ABHD12: variants seen among roughly 807,000 people sequenced by gnomAD.
The protein encoded by ABHD12 is lysophosphatidylserine lipase ABHD12.
In ABHD12, 43 loss-of-function variants were observed where a neutral mutation model predicts 58.3. The ratio of observed to expected loss-of-function variants is 0.74; its 90% CI spans 0.58 to 0.95. The LOEUF is 0.95. ABHD12 is among the 40% of genes least tolerant of loss of function. The pLI is 0.00. For synonymous variants in ABHD12, 219 were observed against 211.2 expected, an observed-to-expected ratio of 1.04 and a Z score of -0.32; for missense variants, 539 against 537.2, an observed-to-expected ratio of 1.00 and a Z score of -0.03.
chr20:25,376,525 A>C (rs1175564174), intron 1 of ABHD12, among the ~76,000 whole-genome samples: 3 of 152,160 alleles, frequency 2.0e-5, no homozygotes, highest in African/African-American at 7.2e-5. Flanking sequence ...AGAAGGCCTT[A>C]TTTTCCTGGC....
At position 25,368,012 on chromosome 20, in the gene ABHD12, C is replaced by A. The variant is rs1280624268; in HGVS notation, c.191+22501G>T. On this transcript the variant is annotated intron_variant, in intron 1 of 12. Coordinates refer to ENST00000339157, the MANE Select transcript of ABHD12 (RefSeq NM_001042472.3). The stretch of plus-strand genomic sequence containing the variant: ...AGTTTCTGTACCATTTTTATTCCCA[C>A]TAACAGTGTGCAAGGGTTCCAATTT... 3.9e-5 allele frequency among the ~76,000 whole-genome samples: 6 copies of A among 152,226 alleles called. No individual in the cohort carries two copies. The South Asian group carries it at 6.2e-4, about 16-fold the overall frequency.
chr20:25,300,996 C>T, intron 12 of ABHD12, 112 bp from the exon 13 acceptor site: 1 of 1,121,604 alleles, frequency 8.9e-7, no homozygotes, highest in South Asian at 1.3e-5. Context: ...GAGGAGGCAG[C>T]CAAGAGCCCC....
chr20:25,368,588 T>C (rs1320824422), intron 1 of ABHD12: 1 of 1,400,122 alleles, frequency 7.1e-7, no homozygotes, highest in Non-Finnish European at 1.0e-6. Flanking sequence ...CCCTGATACA[T>C]AAACCCTGGA....
chr20:25,366,450 G>T (rs900363138), intron 1 of ABHD12, among the ~76,000 whole-genome samples: 6 of 152,148 alleles, frequency 3.9e-5, no homozygotes, highest in Middle Eastern at 3.4e-3. Flanking sequence ...ATTTTTAGTA[G>T]AGATGGGGTT....
chr20:25,296,616 T>A (rs2145907213), downstream of ABHD12: 2 of 1,454,712 alleles, frequency 1.4e-6, no homozygotes, highest in East Asian at 4.7e-5. Flanking sequence ...CCACTGGTGG[T>A]CCCTGCTTTT....
rs1014710692 is a variant in ABHD12 at position 25,309,651 on chromosome 20, G to A, written c.620-76C>T. On this transcript the variant is annotated intron_variant, in intron 6 of 12. Coordinates refer to ENST00000339157, the MANE Select transcript of ABHD12 (RefSeq NM_001042472.3). ...CTGGACAAACACACCTCCCCAAGGG[G>A]GCCCAGGGCCAGGAGGAGACAGGGA... The A allele has an allele frequency of 4.4e-6, 7 of 1,598,346 alleles. No homozygotes were observed. The African/African-American group carries it at 5.4e-5, about 12-fold the overall frequency.
intron 1 of ABHD12, among the ~76,000 whole-genome samples, chr20:25,346,908 T>C (rs2089526906): frequency 6.6e-6 from 1 of 152,162 alleles, no homozygotes; most frequent in Admixed American, 6.5e-5. Context: ...CCTCCCAAAG[T>C]GCTGGGATTA....
intron 1 of ABHD12, among the ~76,000 whole-genome samples, chr20:25,373,727 G>A (rs1468764819): frequency 6.6e-6 from 1 of 151,644 alleles, no homozygotes; most frequent in African/African-American, 2.4e-5. Context: ...ATTACGAAGT[G>A]CCTTGGTATA....
chr20:25,336,393 C>T (rs968910839), intron 2 of ABHD12, among the ~76,000 whole-genome samples: 1 of 151,994 alleles, frequency 6.6e-6, no homozygotes, highest in African/African-American at 2.4e-5. Flanking sequence ...TAATGCCTTA[C>T]ATTGTAGGTG....
intron 1 of ABHD12, chr20:25,368,481 T>G: frequency 6.4e-7 from 1 of 1,567,604 alleles, no homozygotes; most frequent in Non-Finnish European, 8.8e-7. Flanking sequence ...ATGGACAAGA[T>G]GCTAGGACCT....
chr20:25,351,620 T>A (rs887305893), intron 1 of ABHD12, among the ~76,000 whole-genome samples: 2 of 152,224 alleles, frequency 1.3e-5, no homozygotes, highest in African/African-American at 4.8e-5. Context: ...ACTTTTATTA[T>A]CATTTAAAAT....
intron 1 of ABHD12, among the ~76,000 whole-genome samples, chr20:25,357,848 A>T (rs1407543718): frequency 6.6e-6 from 1 of 152,136 alleles, no homozygotes; most frequent in East Asian, 1.9e-4. Flanking sequence ...CTGCCTCTAC[A>T]AACAACACAA....
intron 1 of ABHD12, among the ~76,000 whole-genome samples, chr20:25,361,996 C>A (rs539577850): frequency 6.6e-6 from 1 of 151,998 alleles, no homozygotes; most frequent in Non-Finnish European, 1.5e-5. Context: ...ATCTTACACC[C>A]GGGCACGGTG....
intron 12 of ABHD12, 147 bp from the exon 13 acceptor site, chr20:25,301,031 C>A: frequency 1.2e-6 from 1 of 834,166 alleles, no homozygotes; most frequent in Non-Finnish European, 2.0e-6. Context: ...TAGCCCAGAG[C>A]AGCACTCAGT....
At chr20:25,364,553 C>A (rs928566381) in intron 1 of ABHD12, among the ~76,000 whole-genome samples, 6 of 152,186 alleles carry the variant, frequency 3.9e-5, no homozygotes, top group African/African-American at 1.4e-4. Flanking sequence ...GGAATCTTCC[C>A]CCTGGGTGAC....
At chr20:25,295,724 C>T (rs373261552), downstream of ABHD12, 74 of 1,517,512 alleles carry the variant, frequency 4.9e-5, no homozygotes, top group Admixed American at 3.0e-4. Context: ...TCCATGTAGA[C>T]GTGTTGGGTC....
intron 2 of ABHD12, among the ~76,000 whole-genome samples, chr20:25,336,187 C>T (rs1416914836): frequency 6.6e-6 from 1 of 151,954 alleles, no homozygotes; most frequent in Non-Finnish European, 1.5e-5. Context: ...TTGAAAAGCA[C>T]ATATATTTAT....
intron 6 of ABHD12, 64 bp downstream of exon 6, chr20:25,314,861 C>T (rs1432640664): frequency 1.3e-6 from 2 of 1,575,698 alleles, no homozygotes; most frequent in African/African-American, 1.4e-5. Flanking sequence ...GTGAGGCCTG[C>T]CCATGGGATA....
intron 1 of ABHD12, among the ~76,000 whole-genome samples, chr20:25,374,224 T>C (rs1369857743): frequency 1.3e-5 from 2 of 152,076 alleles, no homozygotes; most frequent in Non-Finnish European, 2.9e-5. Context: ...ATTACACACA[T>C]GGTCGGAGTA....
Sources: gnomAD v4.1 joint callset for allele counts (sites outside exome capture counted in the v4.1 genomes callset) on GRCh38, gnomAD v4.1.1 for gene constraint, MANE v1.5 for transcripts, NCBI Gene and HGNC (gene_info 2026-07-23, HGNC 2026-07-21) for gene names.